ADAMTS9: variants seen among roughly 807,000 people sequenced by gnomAD.
The protein encoded by ADAMTS9 is ADAM metallopeptidase with thrombospondin type 1 motif 9.
A neutral mutation model predicts 257.1 loss-of-function variants in ADAMTS9; 107 were observed. That is an observed-to-expected ratio of 0.42 (90% confidence interval 0.36 to 0.49). ADAMTS9 has a LOEUF of 0.49. ADAMTS9 is among the 20% of genes least tolerant of loss of function. The pLI, the probability that ADAMTS9 is intolerant of heterozygous loss-of-function variation, is 0.03. For missense variants in ADAMTS9, 2,353 were observed against 2,469.1 expected, an observed-to-expected ratio of 0.95 and a Z score of 1.00; for synonymous variants, 982 against 880.9, an observed-to-expected ratio of 1.11 and a Z score of -2.03.
chr3:64,568,686 T>A, intron 28 of ADAMTS9, 151 bp from the exon 29 acceptor site: 1 of 859,724 alleles, frequency 1.2e-6, no homozygotes, highest in Non-Finnish European at 1.8e-6. Context: ...TCTCAAGGCT[T>A]AATAGGGAAG....
Position 64,622,335 on chromosome 3 carries a change from G to C in ADAMTS9, c.2557-8C>G. 1 of 1,613,588 alleles carries C rather than the reference G, an allele frequency of 6.2e-7. No homozygotes were observed. The highest frequency in any genetic ancestry group is 8.5e-7 in the Non-Finnish European group (1 of 1,179,824). ...CTTTCCCACCGACAAAACCTAGAAT[G>C]TGTGGACAAAACAGAAACGAACTGG... On this transcript the variant is annotated splice_polypyrimidine_tract_variant and splice_region_variant and intron_variant, in intron 17 of 39. Transcript: ENST00000498707.
At chr3:64,677,914 A>T (rs1701661890) in intron 3 of ADAMTS9, among the ~76,000 whole-genome samples, 1 of 152,222 alleles carries the variant, frequency 6.6e-6, no homozygotes, top group Admixed American at 6.6e-5. Flanking sequence ...TTCTAAACCC[A>T]TAAAGTTTTC....
At position 64,655,575 on chromosome 3, in the gene ADAMTS9, C is replaced by T; in HGVS notation, c.1169+1G>A. The T allele has an allele frequency of 6.2e-7, 1 of 1,609,234 alleles. No homozygotes were observed. ...ATCTGAGGAATAAGAAATCCATATACCTTGTTAAGAGAACAGCAGTATCAT... is the reference window on the plus strand; with the variant it reads ...ATCTGAGGAATAAGAAATCCATATATCTTGTTAAGAGAACAGCAGTATCAT... On this transcript the variant is annotated splice_donor_variant, in intron 6 of 39. Transcript: ENST00000498707. LOFTEE classifies it high-confidence loss of function.
At chr3:64,607,912 T>C (rs1329576673) in intron 22 of ADAMTS9, among the ~76,000 whole-genome samples, 1 of 152,102 alleles carries the variant, frequency 6.6e-6, no homozygotes, top group Non-Finnish European at 1.5e-5. Flanking sequence ...CAAGTCTCAA[T>C]ATGTTTTAAA....
chr3:64,644,856 G>A (rs1415367525), intron 11 of ADAMTS9, among the ~76,000 whole-genome samples: 1 of 152,158 alleles, frequency 6.6e-6, no homozygotes. Context: ...AAACAAGGGG[G>A]TAGGTTTATC....
intron 36 of ADAMTS9, among the ~76,000 whole-genome samples, 153 bp from the exon 37 acceptor site, chr3:64,539,447 G>A (rs903639102): frequency 6.6e-6 from 1 of 152,148 alleles, no homozygotes; most frequent in African/African-American, 2.4e-5. Context: ...GTGGGTAAAT[G>A]GATCCAGATG....
chr3:64,643,670 G>T (rs1700716462), intron 11 of ADAMTS9, among the ~76,000 whole-genome samples: 1 of 151,500 alleles, frequency 6.6e-6, no homozygotes, highest in Non-Finnish European at 1.5e-5. Context: ...TTAGTATGTT[G>T]CCCAGGCTAA....
intron 9 of ADAMTS9, 153 bp from the exon 10 acceptor site, chr3:64,649,931 A>C (rs1700891271): frequency 2.1e-6 from 2 of 961,988 alleles, no homozygotes; most frequent in East Asian, 5.5e-5. Context: ...GATTAAATCC[A>C]GATGCTGAAG....
chr3:64,586,998 C>G (rs1296055314), intron 28 of ADAMTS9: 1 of 152,206 alleles, frequency 6.6e-6, no homozygotes, highest in Non-Finnish European at 1.5e-5. Context: ...AAGCCTTGCC[C>G]TTTCAACCCA....
intron 2 of ADAMTS9, among the ~76,000 whole-genome samples, chr3:64,685,509 G>T (rs1220360840): frequency 1.3e-5 from 2 of 152,202 alleles, no homozygotes; most frequent in African/African-American, 2.4e-5. Flanking sequence ...TGGCAGAAAC[G>T]CACGTCGCTT....
intron 28 of ADAMTS9, among the ~76,000 whole-genome samples, chr3:64,593,015 G>T (rs1265712745): frequency 6.6e-6 from 1 of 152,176 alleles, no homozygotes; most frequent in African/African-American, 2.4e-5. Context: ...TTCATCTGGG[G>T]AAGGTGCCAT....
At chr3:64,566,052 C>A (rs1031206760) in intron 29 of ADAMTS9, among the ~76,000 whole-genome samples, 1 of 152,058 alleles carries the variant, frequency 6.6e-6, no homozygotes, top group Non-Finnish European at 1.5e-5. Flanking sequence ...GAAATTAAAC[C>A]AATTATTTTT....
intron 37 of ADAMTS9, among the ~76,000 whole-genome samples, chr3:64,536,033 G>A (rs2083045044): frequency 6.6e-6 from 1 of 152,152 alleles, no homozygotes; most frequent in Non-Finnish European, 1.5e-5. Flanking sequence ...CTTTGGCACT[G>A]AAGTTTTCCG....
chr3:64,543,539 C>A (rs2106916110), intron 32 of ADAMTS9, among the ~76,000 whole-genome samples: 1 of 152,282 alleles, frequency 6.6e-6, no homozygotes, highest in African/African-American at 2.4e-5. Flanking sequence ...TCAATAGATG[C>A]AGAAAAGGCC....
intron 21 of ADAMTS9, among the ~76,000 whole-genome samples, chr3:64,614,678 T>C (rs939506306): frequency 3.9e-5 from 6 of 152,104 alleles, no homozygotes; most frequent in African/African-American, 1.4e-4. Flanking sequence ...TAATAGTGAG[T>C]GCTAATACTA....
intron 37 of ADAMTS9, among the ~76,000 whole-genome samples, chr3:64,533,576 C>A (rs2083010045): frequency 6.6e-6 from 1 of 152,212 alleles, no homozygotes. Flanking sequence ...ATCCTCCTGA[C>A]TTCAAAGTCC....
chr3:64,549,475 T>C (rs1184158175), intron 31 of ADAMTS9, among the ~76,000 whole-genome samples: 3 of 152,142 alleles, frequency 2.0e-5, no homozygotes, highest in Non-Finnish European at 4.4e-5. Flanking sequence ...TCAAGAACTA[T>C]TCTGAACACT....
At chr3:64,611,931 C>G (rs963739921) in intron 22 of ADAMTS9, among the ~76,000 whole-genome samples, 1 of 152,132 alleles carries the variant, frequency 6.6e-6, no homozygotes, top group Non-Finnish European at 1.5e-5. Context: ...CTGATTTGTT[C>G]GCTTTAAAAT....
At chr3:64,644,260 C>T (rs142068745) in intron 11 of ADAMTS9, among the ~76,000 whole-genome samples, 152 of 152,124 alleles carry the variant, frequency 1.0e-3, no homozygotes, top group African/African-American at 3.5e-3. Context: ...TCCATTTTTA[C>T]GAAAAGAAAA....
Sources: allele counts gnomAD v4.1 joint callset (sites outside exome capture counted in the v4.1 genomes callset), GRCh38; gene constraint gnomAD v4.1.1; transcripts MANE v1.5; gene names NCBI Gene and HGNC (gene_info 2026-07-23, HGNC 2026-07-21).